The following WDR7 variants were observed in gnomAD, a reference collection of about 807,000 sequenced individuals.
The protein encoded by WDR7 is WD repeat domain 7, also known as WD repeat-containing protein 7.
A neutral mutation model predicts 169.4 loss-of-function variants in WDR7; 46 were observed. That is an observed-to-expected ratio of 0.27 (90% CI 0.21 to 0.35). The LOEUF (loss-of-function observed/expected upper bound fraction) is 0.35, where lower values mean the gene tolerates loss of function less well. WDR7 is among the 10% of genes least tolerant of loss of function. The probability of loss-of-function intolerance (pLI) is 1.00; values close to 1 mark genes in which losing one functional copy is unlikely to be tolerated. For synonymous variants in WDR7, 612 were observed against 666.8 expected (o/e 0.92, Z 1.27); for missense variants, 1,534 against 1,859.3 (o/e 0.83, Z 3.22).
At chr18:57,003,937 A>G (rs761688839) in intron 26 of WDR7, among the ~76,000 whole-genome samples, 1 of 151,662 alleles carries the variant, frequency 6.6e-6, no homozygotes, top group African/African-American at 2.4e-5. Context: ...TTCCCTCCGC[A>G]TGGAGGGTGT....
intron 14 of WDR7, among the ~76,000 whole-genome samples, chr18:56,731,887 T>G (rs1319259220): frequency 6.6e-6 from 1 of 152,226 alleles, no homozygotes; most frequent in African/African-American, 2.4e-5. Flanking sequence ...GTCTTACTTT[T>G]TGGTAGTCTT....
intron 14 of WDR7, among the ~76,000 whole-genome samples, chr18:56,754,112 G>T: frequency 6.6e-6 from 1 of 151,622 alleles, no homozygotes. Context: ...ATGTATGTTT[G>T]TGTGTATATA....
intron 20 of WDR7, among the ~76,000 whole-genome samples, chr18:56,827,567 AG>A (rs2045230134): frequency 6.6e-6 from 1 of 151,540 alleles, no homozygotes; most frequent in Non-Finnish European, 1.5e-5. Flanking sequence ...TGGGAAGGGT[AG>A]TGGGGGTTGG....
intron 19 of WDR7, among the ~76,000 whole-genome samples, chr18:56,807,020 C>T (rs565379926): frequency 4.6e-4 from 70 of 152,156 alleles, no homozygotes; most frequent in African/African-American, 1.6e-3. Context: ...CAGCCTTCAT[C>T]AGTTTCCCTT....
intron 1 of WDR7, among the ~76,000 whole-genome samples, chr18:56,661,516 A>C (rs1416420038): frequency 6.6e-6 from 1 of 152,210 alleles, no homozygotes. Context: ...GCTGTTTAGC[A>C]ATAAGAAATA....
At chr18:56,979,168 G>A (rs1421727102) in intron 26 of WDR7, among the ~76,000 whole-genome samples, 1 of 152,084 alleles carries the variant, frequency 6.6e-6, no homozygotes, top group Non-Finnish European at 1.5e-5. Flanking sequence ...ATATGTATAA[G>A]TATAGATATT....
intron 15 of WDR7, 109 bp downstream of exon 15, chr18:56,757,461 A>G: frequency 9.0e-7 from 1 of 1,106,206 alleles, no homozygotes; most frequent in Non-Finnish European, 1.2e-6. Flanking sequence ...TTATTATTTC[A>G]GTGTCATCTC....
intron 26 of WDR7, among the ~76,000 whole-genome samples, chr18:57,014,091 C>T (rs1433465893): frequency 3.3e-5 from 5 of 151,810 alleles, no homozygotes; most frequent in South Asian, 2.1e-4. Flanking sequence ...TTTGAGAGGC[C>T]GAGGCAGGTG....
intron 26 of WDR7, among the ~76,000 whole-genome samples, chr18:57,000,980 T>A (rs1217476807): frequency 6.6e-6 from 1 of 151,730 alleles, no homozygotes; most frequent in Non-Finnish European, 1.5e-5. Flanking sequence ...GGAGGATCAG[T>A]TGGGCCCAGG....
chr18:56,835,854 T>G (rs939252038), intron 20 of WDR7, among the ~76,000 whole-genome samples: 2 of 152,186 alleles, frequency 1.3e-5, no homozygotes, highest in East Asian at 3.8e-4. Context: ...GGATAAAAAA[T>G]AAAAATTCAG....
At chr18:56,782,551 G>T (rs2044334925) in intron 19 of WDR7, among the ~76,000 whole-genome samples, 1 of 151,742 alleles carries the variant, frequency 6.6e-6, no homozygotes, top group African/African-American at 2.4e-5. Context: ...TTTCAGTTTT[G>T]CAAGATAAAG....
intron 21 of WDR7, among the ~76,000 whole-genome samples, chr18:56,914,462 A>G (rs2046597292): frequency 6.6e-6 from 1 of 152,164 alleles, no homozygotes; most frequent in Non-Finnish European, 1.5e-5. Context: ...TAAATACGAA[A>G]TGAATAATAG....
chr18:57,014,144 G>T (rs954565711), intron 26 of WDR7, among the ~76,000 whole-genome samples: 1 of 151,928 alleles, frequency 6.6e-6, no homozygotes, highest in African/African-American at 2.4e-5. Flanking sequence ...TGGCCAACTT[G>T]GGGAAACCCT....
rs776728491 is a variant in WDR7 at position 56,816,085 on chromosome 18, G to A, written c.3245G>A (p.Gly1082Glu). 2.5e-6 allele frequency: 4 copies of A among 1,613,704 alleles called. No individual in the cohort carries two copies. The South Asian group carries it at 4.4e-5, about 18-fold the overall frequency. ...ATCACCACGGCTCCTGATGCCTCAG[G>A]GCCTGAAGCAAAAGTCCAGGAGGAA... ...QTITTAPDAS[G>E]PEAKVQEEEH... is the part of the protein sequence containing the mutation. The change falls in exon 20 of 28, where the codon GGG becomes GAG. Residue 1082 changes from glycine to glutamate, a missense_variant. Gly to Glu is a moderately conservative substitution (Grantham distance 98). Transcript: ENST00000254442.
intron 21 of WDR7, among the ~76,000 whole-genome samples, chr18:56,884,017 G>A (rs1030983868): frequency 4.6e-5 from 7 of 151,882 alleles, no homozygotes; most frequent in Middle Eastern, 3.4e-3. Flanking sequence ...GTTTTCCTCT[G>A]GGTAGATACC....
At chr18:56,668,743 G>A (rs889391478) in intron 1 of WDR7, among the ~76,000 whole-genome samples, 1 of 152,170 alleles carries the variant, frequency 6.6e-6, no homozygotes. Context: ...CACAATTTGA[G>A]TTGTTTGACA....
chr18:57,034,685 G>A (rs890123303), downstream of WDR7: 2 of 152,380 alleles, frequency 1.3e-5, no homozygotes, highest in Non-Finnish European at 2.9e-5. Context: ...TAAGGGAAAG[G>A]AAAAATTATA....
At chr18:56,919,053 T>G (rs369812830) in intron 21 of WDR7, among the ~76,000 whole-genome samples, 4 of 152,178 alleles carry the variant, frequency 2.6e-5, no homozygotes, top group African/African-American at 9.7e-5. Context: ...ATTTGCTATA[T>G]TAAAAGGAAA....
At chr18:56,924,791 T>C (rs1436179570) in intron 22 of WDR7, among the ~76,000 whole-genome samples, 2 of 152,212 alleles carry the variant, frequency 1.3e-5, no homozygotes, top group African/African-American at 4.8e-5. Context: ...AATACACATA[T>C]CATGAAATTT....
Sources: gnomAD v4.1 joint callset for allele counts (sites outside exome capture counted in the v4.1 genomes callset) on GRCh38, gnomAD v4.1.1 for gene constraint, MANE v1.5 for transcripts, NCBI Gene and HGNC (gene_info 2026-07-23, HGNC 2026-07-21) for gene names.